SLMAP: variants seen among roughly 807,000 people sequenced by gnomAD.
SLMAP encodes the protein sarcolemma associated protein.
A neutral mutation model predicts 128.8 loss-of-function variants in SLMAP; 44 were observed. That is an observed-to-expected ratio of 0.34 (90% CI 0.27 to 0.44). The LOEUF (loss-of-function observed/expected upper bound fraction) is 0.44, where lower values mean the gene tolerates loss of function less well. Ranked by LOEUF, SLMAP falls within the 20% of genes least tolerant of loss-of-function variation. The probability of loss-of-function intolerance (pLI) is 1.00; values close to 1 mark genes in which losing one functional copy is unlikely to be tolerated. For synonymous variants in SLMAP, 327 were observed against 348.8 expected (o/e 0.94, Z 0.70); for missense variants, 787 against 985.3 (o/e 0.80, Z 2.69).
intron 6 of SLMAP, among the ~76,000 whole-genome samples, chr3:57,855,144 G>A (rs11717914): frequency 0.11 from 15,983 of 151,898 alleles, 1,003 homozygotes; most frequent in South Asian, 0.16. Flanking sequence ...TTGGGTGACC[G>A]AGGCAGGAGG....
chr3:57,796,898 G>T (rs1576625614), intron 2 of SLMAP, among the ~76,000 whole-genome samples: 1 of 152,250 alleles, frequency 6.6e-6, no homozygotes, highest in East Asian at 1.9e-4. Flanking sequence ...CAAGGCAAGG[G>T]GCTGGATATG....
At chr3:57,761,047 ACAT>A (rs956593182) in intron 2 of SLMAP, among the ~76,000 whole-genome samples, 3 of 150,828 alleles carry the variant, frequency 2.0e-5, no homozygotes, top group African/African-American at 7.3e-5. Flanking sequence ...TTTTTTTTAA[ACAT>A]CTGGGGATGA....
rs377705075 is a variant in SLMAP at position 57,916,909 on chromosome 3, T to C, written c.2142T>C (p.Ser714=). The C allele has an allele frequency of 7.8e-5, 125 of 1,612,276 alleles. No individual in the cohort carries two copies. The African/African-American group carries it at 1.3e-3, about 17-fold the overall frequency. The part of the protein sequence containing the change: ...LQRQEKELHN[S]QKQSLELTSD... ...TCTGTCAATATTTATATTGCAGTTC[T>C]CAGAAGCAGAGTTTAGAGCTTACCA... The change falls in exon 22 of 25, where the codon TCT becomes TCC. Residue 714 remains serine (S), a synonymous_variant. Coordinates refer to ENST00000671191, the MANE Select transcript of SLMAP (RefSeq NM_001377540.1).
At chr3:57,782,769 A>T (rs187874130) in intron 2 of SLMAP, among the ~76,000 whole-genome samples, 271 of 152,290 alleles carry the variant, frequency 1.8e-3, no homozygotes, top group Non-Finnish European at 2.6e-3. Context: ...CACTATGCCC[A>T]GCCATGAATG....
At chr3:57,912,734 C>G (rs1476071114) in intron 20 of SLMAP, 33 bp downstream of exon 20, 1 of 1,512,966 alleles carries the variant, frequency 6.6e-7, no homozygotes, top group East Asian at 2.3e-5. Flanking sequence ...AAGCTGTTAA[C>G]TTTTGACAAT....
chr3:57,763,514 A>G (rs1014805708), intron 2 of SLMAP, among the ~76,000 whole-genome samples: 2 of 151,904 alleles, frequency 1.3e-5, no homozygotes, highest in African/African-American at 4.8e-5. Flanking sequence ...AGCTTAGGCA[A>G]TCCACCCGCC....
intron 6 of SLMAP, among the ~76,000 whole-genome samples, chr3:57,852,127 G>T (rs943744096): frequency 6.6e-6 from 1 of 151,018 alleles, no homozygotes; most frequent in African/African-American, 2.4e-5. Flanking sequence ...AGCCAGGATG[G>T]TCTCCAATCT....
intron 2 of SLMAP, among the ~76,000 whole-genome samples, chr3:57,823,209 ATTTAT>A (rs1437111386): frequency 1.3e-5 from 2 of 152,010 alleles, no homozygotes; most frequent in East Asian, 3.9e-4. Flanking sequence ...GATTTGGGTA[ATTTAT>A]TTTTTTATTT....
At chr3:57,865,620 C>G (rs967023606) in intron 13 of SLMAP, among the ~76,000 whole-genome samples, 2 of 152,120 alleles carry the variant, frequency 1.3e-5, no homozygotes, top group African/African-American at 4.8e-5. Flanking sequence ...CAAGTTCTGC[C>G]TCCAGTGATA....
At chr3:57,806,107 G>C (rs2089791741) in intron 2 of SLMAP, among the ~76,000 whole-genome samples, 1 of 151,680 alleles carries the variant, frequency 6.6e-6, no homozygotes, top group South Asian at 2.1e-4. Context: ...TGTTACATAG[G>C]TATACATGTG....
In SLMAP at chr3:57,757,684, C is replaced by T. The variant is rs750037826; in HGVS notation, c.33C>T (p.Arg11=). Residue 11 remains arginine (R), a synonymous_variant, in exon 2 of 25, where the codon CGC becomes CGT. Transcript: ENST00000671191. ...CAGCCTTGGCCATCTTCACTTGCCG[C>T]CCGAACTCGCACCCGTTTCAGGAGC... MPSALAIFTC[R]PNSHPFQERH... is the part of the protein sequence containing the mutation. 1 of 1,614,172 alleles carries T rather than the reference C, an allele frequency of 6.2e-7. No individual in the cohort carries two copies. The highest frequency in any genetic ancestry group is 8.5e-7 in the Non-Finnish European group (1 of 1,180,046).
At chr3:57,813,165 G>A (rs1400928708) in intron 2 of SLMAP, among the ~76,000 whole-genome samples, 5 of 145,558 alleles carry the variant, frequency 3.4e-5, no homozygotes, top group East Asian at 4.0e-4. Context: ...GTGTGATTTC[G>A]TCTCACTGTA....
At chr3:57,847,954 A>C (rs1323982507) in intron 5 of SLMAP, among the ~76,000 whole-genome samples, 2 of 152,242 alleles carry the variant, frequency 1.3e-5, no homozygotes, top group Non-Finnish European at 2.9e-5. Flanking sequence ...CAACTTCTGC[A>C]ATACCAAAGA....
chr3:57,838,365 A>G (rs1302455406), intron 3 of SLMAP, among the ~76,000 whole-genome samples: 2 of 152,196 alleles, frequency 1.3e-5, no homozygotes, highest in African/African-American at 2.4e-5. Flanking sequence ...TCCTACAAAT[A>G]GAGATGAACC....
chr3:57,813,791 A>G lies in SLMAP; in HGVS notation c.199-17592A>G, dbSNP rs2091421653. Reference sequence around the variant, plus strand: ...CAGTCCTCTCCATGGATACTGAGACATGATGTATATGAAAATGTTGTTTCC... The same window carrying G: ...CAGTCCTCTCCATGGATACTGAGACGTGATGTATATGAAAATGTTGTTTCC... On this transcript the variant is annotated intron_variant, in intron 2 of 24. Coordinates refer to ENST00000671191, the MANE Select transcript of SLMAP (RefSeq NM_001377540.1). Among the ~76,000 whole-genome samples the G allele has an allele frequency of 2.0e-5, 3 of 152,320 alleles. No homozygotes were observed. In the South Asian group the frequency reaches 6.2e-4, roughly 32 times the overall value.
intron 21 of SLMAP, 57 bp downstream of exon 21, chr3:57,913,332 A>C: frequency 1.4e-6 from 1 of 729,942 alleles, no homozygotes; most frequent in Non-Finnish European, 2.2e-6. Flanking sequence ...TTAAATTTTC[A>C]TCTAAATTAA....
intron 8 of SLMAP, among the ~76,000 whole-genome samples, chr3:57,860,328 T>C (rs1439508128): frequency 6.6e-6 from 1 of 152,238 alleles, no homozygotes; most frequent in Non-Finnish European, 1.5e-5. Flanking sequence ...ATTCCTTTTG[T>C]TTTAACCATT....
intron 2 of SLMAP, among the ~76,000 whole-genome samples, chr3:57,789,855 G>A (rs1032764237): frequency 2.0e-5 from 3 of 151,844 alleles, no homozygotes; most frequent in Admixed American, 6.6e-5. Flanking sequence ...TTTTGTTTTC[G>A]AGATGGAGTC....
intron 24 of SLMAP, among the ~76,000 whole-genome samples, chr3:57,927,078 G>A (rs1336140183): frequency 2.0e-5 from 3 of 152,082 alleles, no homozygotes; most frequent in South Asian, 2.1e-4. Flanking sequence ...TTCTTGGGAC[G>A]TGTTAGACTT....
Sources: gnomAD v4.1 joint callset for allele counts (sites outside exome capture counted in the v4.1 genomes callset) on GRCh38, gnomAD v4.1.1 for gene constraint, MANE v1.5 for transcripts, NCBI Gene and HGNC (gene_info 2026-07-23, HGNC 2026-07-21) for gene names.